The following TRPC7 variants were observed in gnomAD, a reference collection of about 807,000 sequenced individuals.
The protein encoded by TRPC7 is transient receptor potential cation channel subfamily C member 7.
In TRPC7, 42 loss-of-function variants were observed where a neutral mutation model predicts 90.1. That is an observed-to-expected ratio of 0.47 (90% confidence interval 0.36 to 0.60). TRPC7 has a LOEUF of 0.60. Ranked by LOEUF, TRPC7 falls within the 20% of genes least tolerant of loss-of-function variation. The probability of loss-of-function intolerance (pLI) is 0.00; values close to 1 mark genes in which losing one functional copy is unlikely to be tolerated. For synonymous variants in TRPC7, 451 were observed against 436.3 expected (o/e 1.03, Z -0.42); for missense variants, 955 against 1,112.3 (o/e 0.86, Z 2.01).
chr5:136,252,866 T>A (rs1756566850), intron 5 of TRPC7, among the ~76,000 whole-genome samples: 1 of 152,238 alleles, frequency 6.6e-6, no homozygotes, highest in African/African-American at 2.4e-5. Context: ...GGCCACAGAC[T>A]GGTACCAGTT....
At chr5:136,283,557 T>C (rs1757614376) in intron 3 of TRPC7, among the ~76,000 whole-genome samples, 2 of 152,186 alleles carry the variant, frequency 1.3e-5, no homozygotes, top group Non-Finnish European at 2.9e-5. Flanking sequence ...CATCTGAGTA[T>C]GAGTTAGCCT....
chr5:136,295,201 A>G (rs1046475774), intron 3 of TRPC7, among the ~76,000 whole-genome samples: 6 of 152,136 alleles, frequency 3.9e-5, no homozygotes, highest in Admixed American at 6.5e-5. Flanking sequence ...TGACGAGTTA[A>G]TGGGTGCAGC....
intron 7 of TRPC7, among the ~76,000 whole-genome samples, chr5:136,243,127 T>A (rs918627576): frequency 2.0e-5 from 3 of 152,168 alleles, no homozygotes; most frequent in African/African-American, 4.8e-5. Flanking sequence ...TGTCTTAGAA[T>A]GCTTGCCCTT....
In TRPC7 at chr5:136,213,179, A is replaced by C. The variant is rs1755148355; in HGVS notation, c.*256T>G. 6.3e-6 allele frequency: 3 copies of C among 476,802 alleles called. No individual in the cohort carries two copies. The highest frequency in any genetic ancestry group is 1.1e-5 in the Non-Finnish European group (3 of 264,616). 29.5% of individuals were successfully genotyped at this position (476,802 alleles called of 1,614,324 possible). A position where few individuals can be genotyped will look rare whatever the true frequency, so the allele number is the denominator to read the frequency against. ...TCACTGTGGCTGGACCAAAGGTCTC[A>C]CACTCGTCAGGGGGCTGTTCCTCCC... On this transcript the variant is annotated 3_prime_UTR_variant, in exon 12 of 12. Coordinates refer to ENST00000513104, the MANE Select transcript of TRPC7 (RefSeq NM_020389.3).
In TRPC7 at chr5:136,231,485, C is replaced by T. The variant is rs764111681; in HGVS notation, c.1909G>A (p.Val637Met). 19 of 1,612,472 alleles carry T rather than the reference C, an allele frequency of 1.2e-5. No homozygotes were observed. The highest frequency in any genetic ancestry group is 1.6e-5 in the Non-Finnish European group (19 of 1,179,132). ...IFGLSEVISV[V>M]LKYDHKFIEN... is the part of the protein sequence containing the mutation. ...ATGAATTTGTGGTCGTATTTCAGCA[C>T]CACTGAGATTACTTCAGATAAGCCG... The change falls in exon 8 of 12, where the codon GTG becomes ATG. Residue 637 changes from valine to methionine, a missense_variant. Coordinates refer to ENST00000513104, the MANE Select transcript of TRPC7 (RefSeq NM_020389.3).
intron 2 of TRPC7, among the ~76,000 whole-genome samples, chr5:136,353,784 A>G (rs1042998229): frequency 6.6e-6 from 1 of 152,238 alleles, no homozygotes; most frequent in African/African-American, 2.4e-5. Flanking sequence ...TCTTATTCCA[A>G]GTAAGTCACT....
intron 2 of TRPC7, among the ~76,000 whole-genome samples, chr5:136,331,145 A>G (rs1414462596): frequency 6.6e-6 from 1 of 152,086 alleles, no homozygotes; most frequent in African/African-American, 2.4e-5. Flanking sequence ...GGCTTTTAAC[A>G]AGCACATTTT....
intron 1 of TRPC7, among the ~76,000 whole-genome samples, chr5:136,363,270 T>G (rs908230793): frequency 6.6e-6 from 1 of 152,168 alleles, no homozygotes; most frequent in Non-Finnish European, 1.5e-5. Flanking sequence ...AACTTATTTC[T>G]AAGTATCACC....
In TRPC7 at chr5:136,231,342, AC is replaced by A. The variant is rs1275702536; in HGVS notation, c.2040+11del. The A allele has an allele frequency of 6.3e-7, 1 of 1,582,172 alleles. No homozygotes were observed. ...TGAAGGAGAGCAAGCATTTTCAGTG[AC>A]CTGGCCTTACCTCAATTTCCTGATA... On this transcript the variant is annotated intron_variant, in intron 8 of 11. Coordinates refer to ENST00000513104, the MANE Select transcript of TRPC7 (RefSeq NM_020389.3).
chr5:136,268,629 A>G (rs945330697), intron 4 of TRPC7, among the ~76,000 whole-genome samples: 4 of 152,310 alleles, frequency 2.6e-5, no homozygotes, highest in Non-Finnish European at 5.9e-5. Flanking sequence ...GGAATTTAAT[A>G]TTCGTTTTGT....
At chr5:136,245,137 C>G (rs1756296936) in intron 7 of TRPC7, among the ~76,000 whole-genome samples, 1 of 152,184 alleles carries the variant, frequency 6.6e-6, no homozygotes, top group Non-Finnish European at 1.5e-5. Context: ...AGCACTTGCC[C>G]AAGGCCACAA....
intron 3 of TRPC7, among the ~76,000 whole-genome samples, chr5:136,289,780 C>A (rs1381352374): frequency 2.6e-5 from 4 of 152,236 alleles, no homozygotes; most frequent in Non-Finnish European, 5.9e-5. Flanking sequence ...TGTCTGACAG[C>A]TTTGAAGAGA....
intron 3 of TRPC7, among the ~76,000 whole-genome samples, chr5:136,304,135 T>C (rs56286918): frequency 0.63 from 95,105 of 151,008 alleles, 30,486 homozygotes; most frequent in African/African-American, 0.77. Flanking sequence ...CTGCATCTCA[T>C]TGCTGCCCTT....
At chr5:136,228,183 G>A (rs1443680854) in intron 8 of TRPC7, among the ~76,000 whole-genome samples, 1 of 152,132 alleles carries the variant, frequency 6.6e-6, no homozygotes, top group Non-Finnish European at 1.5e-5. Flanking sequence ...GCTGGAGGAG[G>A]GTCTAGGTGC....
intron 3 of TRPC7, among the ~76,000 whole-genome samples, chr5:136,280,344 T>C (rs760223862): frequency 1.3e-5 from 2 of 152,182 alleles, no homozygotes; most frequent in African/African-American, 2.4e-5. Context: ...CATTTGATCT[T>C]TTCTGTTATT....
At chr5:136,248,359 T>C (rs1756412359) in intron 6 of TRPC7, among the ~76,000 whole-genome samples, 1 of 152,126 alleles carries the variant, frequency 6.6e-6, no homozygotes, top group African/African-American at 2.4e-5. Context: ...GTGGAGAGGA[T>C]GAAATGAAAT....
At chr5:136,313,665 G>A (rs565247381) in intron 3 of TRPC7, among the ~76,000 whole-genome samples, 1 of 152,164 alleles carries the variant, frequency 6.6e-6, no homozygotes, top group African/African-American at 2.4e-5. Context: ...TACAAGGTTT[G>A]AGAAAATGTA....
intron 7 of TRPC7, among the ~76,000 whole-genome samples, chr5:136,240,324 G>C (rs969431213): frequency 6.6e-6 from 1 of 152,164 alleles, no homozygotes; most frequent in Non-Finnish European, 1.5e-5. Context: ...ATATGGGATC[G>C]TAGCTGTTGC....
intron 3 of TRPC7, among the ~76,000 whole-genome samples, chr5:136,277,750 T>C (rs1757414869): frequency 6.6e-6 from 1 of 152,218 alleles, no homozygotes. Flanking sequence ...GGTGTTGTCT[T>C]GGGCTTATTT....
Sources: gnomAD v4.1 joint callset for allele counts (sites outside exome capture counted in the v4.1 genomes callset) on GRCh38, gnomAD v4.1.1 for gene constraint, MANE v1.5 for transcripts, NCBI Gene and HGNC (gene_info 2026-07-23, HGNC 2026-07-21) for gene names.